Variants in ZC3H8 observed in about 807,000 individuals in gnomAD.
ZC3H8 encodes zinc finger CCCH domain-containing protein 8.
ZC3H8 carries 27 observed loss-of-function variants against 42.5 expected under a neutral mutation model. The ratio of observed to expected loss-of-function variants is 0.64; its 90% CI spans 0.47 to 0.88. The LOEUF (loss-of-function observed/expected upper bound fraction) is 0.88, where lower values mean the gene tolerates loss of function less well. Ranked by LOEUF, ZC3H8 falls within the 40% of genes least tolerant of loss-of-function variation. ZC3H8 has a pLI of 0.00. For missense variants in ZC3H8, 277 were observed against 336.1 expected (o/e 0.82, Z 1.37); for synonymous variants, 101 against 110.1 (o/e 0.92, Z 0.52).
intron 2 of ZC3H8, among the ~76,000 whole-genome samples, chr2:112,249,639 T>C (rs568070843): frequency 6.6e-6 from 1 of 152,110 alleles, no homozygotes; most frequent in East Asian, 1.9e-4. Flanking sequence ...TAGAGATGGG[T>C]TTCACCATAT....
At chr2:112,226,306 C>A (rs1005957268) in intron 8 of ZC3H8, among the ~76,000 whole-genome samples, 1 of 151,042 alleles carries the variant, frequency 6.6e-6, no homozygotes, top group Non-Finnish European at 1.5e-5. Context: ...TAAAAAAAAG[C>A]GGCTGGGCGC....
At chr2:112,227,626 G>A (rs879564508) in intron 8 of ZC3H8, among the ~76,000 whole-genome samples, 7 of 152,252 alleles carry the variant, frequency 4.6e-5, no homozygotes, top group Admixed American at 2.6e-4. Context: ...AAATGAATTC[G>A]AAGTCTTGGG....
intron 2 of ZC3H8, among the ~76,000 whole-genome samples, chr2:112,240,084 A>G (rs1190909178): frequency 6.6e-6 from 1 of 152,208 alleles, no homozygotes; most frequent in Admixed American, 6.5e-5. Flanking sequence ...TCAGGCCACC[A>G]AACTTCTTGT....
chr2:112,219,692 G>T (rs551685298), intron 8 of ZC3H8, among the ~76,000 whole-genome samples: 1 of 152,070 alleles, frequency 6.6e-6, no homozygotes, highest in South Asian at 2.1e-4. Flanking sequence ...ATGCCCGGGT[G>T]TATGGTCAAT....
intron 8 of ZC3H8, among the ~76,000 whole-genome samples, chr2:112,218,572 G>A (rs1684431303): frequency 6.6e-6 from 1 of 151,980 alleles, no homozygotes; most frequent in Admixed American, 6.6e-5. Flanking sequence ...AATAGAATAC[G>A]GTTGACTCTT....
rs549996878 is a variant in ZC3H8 at position 112,226,589 on chromosome 2, C to CAAAAAAA, written c.*15+4307_*15+4313dup. ...GGGCAACAGAGCCAAGACTCCATCT[C>CAAAAAAA]AAAAAAAAAAAAAAAAGCTCAGGCC... On this transcript the variant is annotated intron_variant, in intron 8 of 8. Transcript: ENST00000409573. Among the ~76,000 whole-genome samples, 8 of 74,202 alleles carry CAAAAAAA rather than the reference C, an allele frequency of 1.1e-4. 2 individuals are homozygous for CAAAAAAA. Among genetic ancestry groups the CAAAAAAA allele is most frequent in the African/African-American group, 4.8e-4 (8 of 16,830 alleles). The allele number at this position is 74,202 out of a possible 152,430, so 48.7% of individuals were successfully genotyped here. A position where few individuals can be genotyped will look rare whatever the true frequency, so the allele number is the denominator to read the frequency against.
rs922273678 is a variant in ZC3H8 at position 112,211,754 on chromosome 2, T to A, written c.*4730A>T. The A allele has an allele frequency of 1.2e-5, 1 of 86,902 alleles. No individual in the cohort carries two copies. The highest frequency in any genetic ancestry group is 2.8e-5 in the African/African-American group (1 of 35,722). The allele number at this position is 86,902 out of a possible 1,614,324, so 5.4% of individuals were successfully genotyped here. A position where few individuals can be genotyped will look rare whatever the true frequency, so the allele number is the denominator to read the frequency against. On this transcript the variant is annotated 3_prime_UTR_variant, in exon 9 of 9. Coordinates refer to ENST00000409573, the MANE Select transcript of ZC3H8 (RefSeq NM_032494.3). ...AACATACAATAACTAAAAACATGTCTTTTTTTTTCTTTCATGCCTCCAAGA... is the reference window on the plus strand; with the variant it reads ...AACATACAATAACTAAAAACATGTCATTTTTTTTCTTTCATGCCTCCAAGA...
chr2:112,216,737 G>A (rs539244717), intron 8 of ZC3H8, among the ~76,000 whole-genome samples: 3 of 148,172 alleles, frequency 2.0e-5, no homozygotes, highest in East Asian at 3.9e-4. Context: ...CTCAGACATG[G>A]CAAACAAGAA....
chr2:112,225,863 C>G (rs761854536), intron 8 of ZC3H8, among the ~76,000 whole-genome samples: 20 of 151,730 alleles, frequency 1.3e-4, no homozygotes, highest in Non-Finnish European at 2.2e-4. Context: ...AAGTGGATCA[C>G]CTGAGGTCAG....
chr2:112,238,356 T>G lies in ZC3H8; in HGVS notation c.329A>C (p.Glu110Ala). 6.2e-7 allele frequency: 1 copy of G among 1,613,780 alleles called. No individual in the cohort carries two copies. Among genetic ancestry groups the G allele is most frequent in the Non-Finnish European group, 8.5e-7 (1 of 1,179,884 alleles). The change falls in exon 3 of 9, where the codon GAA becomes GCA. Residue 110 changes from glutamate (E) to alanine (A), a missense_variant. Physicochemically the swap from Glu to Ala is moderately radical, Grantham distance 107. Transcript: ENST00000409573. Reference sequence around the variant, plus strand: ...TACTCCTTCTTTCTTTGTAGATTCTTCAGGTTGAGCAGCATTTGCCATTTC... The same window carrying G: ...TACTCCTTCTTTCTTTGTAGATTCTGCAGGTTGAGCAGCATTTGCCATTTC... ...AREMANAAQP[E>A]ESTKKEGVKD... is the part of the protein sequence containing the mutation.
intron 2 of ZC3H8, among the ~76,000 whole-genome samples, chr2:112,239,828 G>A (rs922391503): frequency 3.3e-5 from 5 of 152,018 alleles, no homozygotes; most frequent in Non-Finnish European, 5.9e-5. Context: ...CAAGTGATCC[G>A]CCTGCCTCGG....
At chr2:112,251,868 G>T (rs1018869892) in intron 1 of ZC3H8, among the ~76,000 whole-genome samples, 1 of 152,160 alleles carries the variant, frequency 6.6e-6, no homozygotes, top group African/African-American at 2.4e-5. Flanking sequence ...CTATGAGCAG[G>T]ATAGGACAGA....
intron 8 of ZC3H8, among the ~76,000 whole-genome samples, chr2:112,225,422 G>C (rs1278724972): frequency 2.0e-5 from 3 of 152,218 alleles, no homozygotes; most frequent in Non-Finnish European, 4.4e-5. Flanking sequence ...AGGCTAAAGT[G>C]AGCTATGATT....
chr2:112,232,559 C>A (rs1380401398), intron 6 of ZC3H8, among the ~76,000 whole-genome samples: 1 of 152,056 alleles, frequency 6.6e-6, no homozygotes, highest in Non-Finnish European at 1.5e-5. Flanking sequence ...TAAATGTGAT[C>A]ATTTTTAAAG....
intron 8 of ZC3H8, among the ~76,000 whole-genome samples, chr2:112,217,852 GA>G (rs1049715152): frequency 2.0e-5 from 3 of 152,064 alleles, no homozygotes; most frequent in Admixed American, 6.5e-5. Context: ...ATCTATATCT[GA>G]AAAAAAATGT....
At chr2:112,219,069 T>C (rs1173939215) in intron 8 of ZC3H8, among the ~76,000 whole-genome samples, 2 of 152,184 alleles carry the variant, frequency 1.3e-5, no homozygotes, top group African/African-American at 4.8e-5. Context: ...CAAATTCAAA[T>C]TGATGTTTTT....
intron 2 of ZC3H8, among the ~76,000 whole-genome samples, chr2:112,248,974 C>T (rs757361653): frequency 2.6e-5 from 4 of 152,042 alleles, no homozygotes; most frequent in East Asian, 1.9e-4. Flanking sequence ...GCGGTCAGAT[C>T]GCTTGACCCC....
chr2:112,242,752 C>G (rs1292912402), intron 2 of ZC3H8, among the ~76,000 whole-genome samples: 1 of 152,088 alleles, frequency 6.6e-6, no homozygotes, highest in African/African-American at 2.4e-5. Flanking sequence ...AAGAGAGTAA[C>G]AGAAAAATTA....
Position 112,254,879 on chromosome 2 carries a change from A to C in ZC3H8, c.74+29T>G, listed in dbSNP as rs191148267. 33 of 1,610,734 alleles carry C rather than the reference A, an allele frequency of 2.0e-5. No homozygotes were observed. In the East Asian group the frequency reaches 6.7e-4, roughly 33 times the overall value. On this transcript the variant is annotated intron_variant, in intron 1 of 8. Coordinates refer to ENST00000409573, the MANE Select transcript of ZC3H8 (RefSeq NM_032494.3). ...AGGCGGAGTCCCGCTGAGCCCCTGC[A>C]TTCAAAAGATGAAAAGATATGGGAT...
Sources: allele counts gnomAD v4.1 joint callset (sites outside exome capture counted in the v4.1 genomes callset), GRCh38; gene constraint gnomAD v4.1.1; transcripts MANE v1.5; gene names NCBI Gene and HGNC (gene_info 2026-07-23, HGNC 2026-07-21).